The following CAMKMT variants were observed in gnomAD, a reference collection of about 807,000 sequenced individuals.
The protein encoded by CAMKMT is CaM KMT.
CAMKMT carries 53 observed loss-of-function variants against 48.0 expected under a neutral mutation model. That is an observed-to-expected ratio of 1.10 (90% confidence interval 0.89 to 1.39). The LOEUF is 1.39. Ranked by LOEUF, CAMKMT falls within the 40% of genes most tolerant of loss-of-function variation. The pLI is 0.00. For synonymous variants in CAMKMT, 165 were observed against 152.3 expected (o/e 1.08, Z -0.61); for missense variants, 428 against 402.7 (o/e 1.06, Z -0.54).
rs376334659 is a variant in CAMKMT, at chr2:44,581,959, G to A, written c.377-122324G>A. Among the ~76,000 whole-genome samples, 9 of 152,284 alleles carry A rather than the reference G, an allele frequency of 5.9e-5. No individual in the cohort carries two copies. The South Asian group carries it at 1.4e-3, about 25-fold the overall frequency. Reference sequence around the variant, plus strand: ...GGTTGCAGTGAGCCAAGATCGTGCCGCTGCACTCCAGGCTGGGCAACAAAG... The same window carrying A: ...GGTTGCAGTGAGCCAAGATCGTGCCACTGCACTCCAGGCTGGGCAACAAAG... On this transcript the variant is annotated intron_variant, in intron 3 of 10. Coordinates refer to ENST00000378494, the MANE Select transcript of CAMKMT (RefSeq NM_024766.5).
intron 3 of CAMKMT, among the ~76,000 whole-genome samples, chr2:44,582,678 C>G (rs1029489903): frequency 2.0e-5 from 3 of 152,130 alleles, no homozygotes; most frequent in Non-Finnish European, 2.9e-5. Context: ...TTTTAAAAGA[C>G]TAAGTGACTG....
At chr2:44,391,388 C>T (rs908515228) in intron 3 of CAMKMT, among the ~76,000 whole-genome samples, 3 of 151,644 alleles carry the variant, frequency 2.0e-5, no homozygotes, top group Non-Finnish European at 4.4e-5. Flanking sequence ...TTTAAATTTT[C>T]CAAACACCAA....
chr2:44,417,965 G>A (rs1016323190), intron 3 of CAMKMT, among the ~76,000 whole-genome samples: 1 of 152,140 alleles, frequency 6.6e-6, no homozygotes, highest in Non-Finnish European at 1.5e-5. Flanking sequence ...AGCCGAGGCG[G>A]GTAGATACCT....
intron 3 of CAMKMT, among the ~76,000 whole-genome samples, chr2:44,545,632 G>T (rs1667354434): frequency 6.6e-6 from 1 of 150,848 alleles, no homozygotes; most frequent in Non-Finnish European, 1.5e-5. Context: ...CAAGATAAGT[G>T]GCAGAGTAAG....
intron 3 of CAMKMT, among the ~76,000 whole-genome samples, chr2:44,463,553 G>A (rs1423172343): frequency 6.6e-6 from 1 of 152,150 alleles, no homozygotes; most frequent in Non-Finnish European, 1.5e-5. Context: ...TGGGAGTTGG[G>A]CTGCCCAGAA....
intron 3 of CAMKMT, among the ~76,000 whole-genome samples, chr2:44,645,322 A>C (rs889170250): frequency 6.6e-6 from 1 of 152,204 alleles, no homozygotes; most frequent in African/African-American, 2.4e-5. Context: ...ATCTTTTCTC[A>C]GAATGCCAAC....
intron 2 of CAMKMT, among the ~76,000 whole-genome samples, chr2:44,389,290 A>T (rs1681086557): frequency 6.6e-6 from 1 of 152,092 alleles, no homozygotes; most frequent in Non-Finnish European, 1.5e-5. Context: ...TAACTAAATT[A>T]CCTTTAAAAG....
chr2:44,530,995 G>GAT (rs1192369487), intron 3 of CAMKMT, among the ~76,000 whole-genome samples: 8 of 151,626 alleles, frequency 5.3e-5, no homozygotes, highest in African/African-American at 7.3e-5. Flanking sequence ...CTGGGAGTCT[G>GAT]ATATATATAT....
intron 1 of CAMKMT, among the ~76,000 whole-genome samples, chr2:44,372,396 G>A (rs1050207883): frequency 2.0e-5 from 3 of 151,580 alleles, no homozygotes; most frequent in African/African-American, 7.3e-5. Flanking sequence ...GAGGTAGGAG[G>A]ATCGCCTGAA....
intron 3 of CAMKMT, among the ~76,000 whole-genome samples, chr2:44,556,224 C>T (rs923367410): frequency 5.3e-5 from 8 of 151,946 alleles, no homozygotes; most frequent in Admixed American, 6.6e-5. Flanking sequence ...CTGCAACTTC[C>T]GCCTCCCAGG....
chr2:44,411,297 G>A (rs1188598753), intron 3 of CAMKMT, among the ~76,000 whole-genome samples: 1 of 152,094 alleles, frequency 6.6e-6, no homozygotes, highest in African/African-American at 2.4e-5. Context: ...CTATTGCGTG[G>A]CAAGTACTAG....
At chr2:44,630,455 A>C (rs1331928436) in intron 3 of CAMKMT, among the ~76,000 whole-genome samples, 2 of 148,928 alleles carry the variant, frequency 1.3e-5, no homozygotes, top group East Asian at 3.9e-4. Flanking sequence ...CAGAGTGAAC[A>C]GGCAACCCAC....
At chr2:44,768,361 ATTTTTT>A (rs1553448674) in intron 10 of CAMKMT, among the ~76,000 whole-genome samples, 5 of 115,742 alleles carry the variant, frequency 4.3e-5, no homozygotes, top group African/African-American at 1.1e-4. Context: ...ATATATATAT[ATTTTTT>A]TTTTTTTTTT....
chr2:44,367,216 A>G (rs1159074211), intron 1 of CAMKMT, among the ~76,000 whole-genome samples: 1 of 152,156 alleles, frequency 6.6e-6, no homozygotes, highest in African/African-American at 2.4e-5. Context: ...AAATGTCAGT[A>G]TCTACAGGTC....
chr2:44,503,984 G>GGAGAGAGA (rs370141046), intron 3 of CAMKMT, among the ~76,000 whole-genome samples: 12,760 of 142,498 alleles, frequency 0.09, 1,191 homozygotes, highest in East Asian at 0.33. Flanking sequence ...GAGCGGGTGG[G>GGAGAGAGA]GAGAGAGAGA....
intron 3 of CAMKMT, among the ~76,000 whole-genome samples, chr2:44,394,447 A>T (rs1163121137): frequency 2.0e-4 from 30 of 148,632 alleles, no homozygotes; most frequent in Admixed American, 1.1e-3. Flanking sequence ...TTTTTTTTTT[A>T]ATGGAGTTTC....
chr2:44,614,028 G>A (rs532173702), intron 3 of CAMKMT, among the ~76,000 whole-genome samples: 27 of 152,166 alleles, frequency 1.8e-4, no homozygotes, highest in Non-Finnish European at 1.9e-4. Flanking sequence ...AAATACAAAT[G>A]TAGAAGGGGC....
chr2:44,706,642 C>T, intron 5 of CAMKMT, among the ~76,000 whole-genome samples: 1 of 150,490 alleles, frequency 6.6e-6, no homozygotes, highest in Middle Eastern at 3.2e-3. Context: ...GATTATAGTC[C>T]CATTTGCTAA....
At chr2:44,690,826 A>C (rs141412246) in intron 3 of CAMKMT, among the ~76,000 whole-genome samples, 82 of 152,094 alleles carry the variant, frequency 5.4e-4, no homozygotes, top group African/African-American at 1.9e-3. Context: ...AAATATAAAA[A>C]TCAGCTGGGT....
Sources: gnomAD v4.1 joint callset for allele counts (sites outside exome capture counted in the v4.1 genomes callset) on GRCh38, gnomAD v4.1.1 for gene constraint, MANE v1.5 for transcripts, NCBI Gene and HGNC (gene_info 2026-07-23, HGNC 2026-07-21) for gene names.